GRM8: variants seen among roughly 807,000 people sequenced by gnomAD.
The protein encoded by GRM8 is metabotropic glutamate receptor 8.
In GRM8, 47 loss-of-function variants were observed where a neutral mutation model predicts 87.2. The observed-to-expected ratio is 0.54, with a 90% confidence interval of 0.43 to 0.69. The LOEUF is 0.69. Ranked by LOEUF, GRM8 falls within the 30% of genes least tolerant of loss-of-function variation. The pLI is 0.00. For synonymous variants in GRM8, 396 were observed against 404.5 expected, an observed-to-expected ratio of 0.98 and a Z score of 0.25; for missense variants, 1,019 against 1,139.2, an observed-to-expected ratio of 0.89 and a Z score of 1.52.
intron 3 of GRM8, among the ~76,000 whole-genome samples, chr7:127,022,402 C>T (rs1284030523): frequency 2.0e-5 from 3 of 151,912 alleles, no homozygotes; most frequent in African/African-American, 7.2e-5. Context: ...TTATAAAAGA[C>T]AAAATATTAT....
intron 6 of GRM8, among the ~76,000 whole-genome samples, chr7:126,808,752 T>C (rs1208035215): frequency 6.6e-6 from 1 of 152,206 alleles, no homozygotes; most frequent in Non-Finnish European, 1.5e-5. Flanking sequence ...AACTGTAGTA[T>C]GAAATGCAAA....
At chr7:126,801,547 ACT>A (rs1822698867) in intron 6 of GRM8, among the ~76,000 whole-genome samples, 6 of 150,068 alleles carry the variant, frequency 4.0e-5, no homozygotes, top group Admixed American at 1.3e-4. Context: ...AAATAGTATT[ACT>A]ATGTGGCTGG....
chr7:126,887,513 G>T (rs1563284072), intron 6 of GRM8, among the ~76,000 whole-genome samples: 4 of 151,926 alleles, frequency 2.6e-5, no homozygotes, highest in African/African-American at 9.7e-5. Flanking sequence ...CAATGAGTTT[G>T]CCCCTTTTTG....
chr7:127,184,033 C>A (rs1224849080), intron 2 of GRM8, among the ~76,000 whole-genome samples: 1 of 151,760 alleles, frequency 6.6e-6, no homozygotes, highest in Admixed American at 6.6e-5. Flanking sequence ...TAACAACCAT[C>A]AAAACAAAAG....
intron 6 of GRM8, among the ~76,000 whole-genome samples, chr7:126,877,410 A>C (rs1229163786): frequency 2.6e-5 from 4 of 152,230 alleles, no homozygotes; most frequent in Non-Finnish European, 5.9e-5. Flanking sequence ...ATTAAATAGA[A>C]TAAAAAATTC....
chr7:127,016,776 A>C (rs149164492), intron 3 of GRM8, among the ~76,000 whole-genome samples: 8 of 152,238 alleles, frequency 5.3e-5, no homozygotes, highest in African/African-American at 1.7e-4. Context: ...TACATTCACA[A>C]TATGCTTGTA....
chr7:126,813,446 G>A (rs1793483254), intron 6 of GRM8, among the ~76,000 whole-genome samples: 1 of 152,062 alleles, frequency 6.6e-6, no homozygotes. Flanking sequence ...ATCATCTCTG[G>A]CACCCCCAAT....
chr7:127,101,711 T>C (rs1283276454), intron 3 of GRM8, among the ~76,000 whole-genome samples: 1 of 152,202 alleles, frequency 6.6e-6, no homozygotes, highest in Non-Finnish European at 1.5e-5. Flanking sequence ...TACCCAGTCT[T>C]GGGTATTTCT....
intron 3 of GRM8, among the ~76,000 whole-genome samples, chr7:127,094,620 G>C (rs1245297660): frequency 6.6e-6 from 1 of 152,150 alleles, no homozygotes. Context: ...GCCTCAAGAG[G>C]ATCCAAGCCT....
At chr7:126,646,412 A>G (rs1563053584) in intron 7 of GRM8, among the ~76,000 whole-genome samples, 1 of 152,156 alleles carries the variant, frequency 6.6e-6, no homozygotes, top group Non-Finnish European at 1.5e-5. Context: ...AAGGTCTCAA[A>G]AAAGTTACCT....
At chr7:126,562,296 G>C (rs921977406) in intron 8 of GRM8, among the ~76,000 whole-genome samples, 1 of 152,050 alleles carries the variant, frequency 6.6e-6, no homozygotes, top group African/African-American at 2.4e-5. Context: ...TGCATCAAAG[G>C]CATCACCAAA....
In GRM8 at chr7:127,207,415, G is replaced by A. The variant is rs373404430; in HGVS notation, c.510+35280C>T. On this transcript the variant is annotated intron_variant, in intron 2 of 10. Coordinates refer to ENST00000339582, the MANE Select transcript of GRM8 (RefSeq NM_000845.3). ...ATCATAAATGCTCATTTACTTATTC[G>A]ACAAATGCTTACTGAATGTTGGCAA... 9.2e-5 allele frequency among the ~76,000 whole-genome samples: 14 copies of A among 152,126 alleles called. No individual in the cohort carries two copies. The South Asian group carries it at 2.3e-3, about 25-fold the overall frequency.
At position 127,151,603 on chromosome 7, in the gene GRM8, T is replaced by C. The variant is rs17864140; in HGVS notation, c.511-44891A>G. 6.3e-3 allele frequency among the ~76,000 whole-genome samples: 961 copies of C among 152,202 alleles called. 4 individuals are homozygous for C. The highest frequency in any genetic ancestry group is 0.011 in the Non-Finnish European group (734 of 67,984). ...ACGCTGCAACATCTGCCTTTCATTA[T>C]CATTATCGTCCTCACAGAGTTCTTG... On this transcript the variant is annotated intron_variant, in intron 2 of 10. Coordinates refer to ENST00000339582, the MANE Select transcript of GRM8 (RefSeq NM_000845.3).
At chr7:126,491,799 G>C (rs920615716) in intron 9 of GRM8, among the ~76,000 whole-genome samples, 2 of 152,052 alleles carry the variant, frequency 1.3e-5, no homozygotes, top group African/African-American at 4.8e-5. Context: ...TAATGAATCT[G>C]TGGATGTGGA....
intron 3 of GRM8, among the ~76,000 whole-genome samples, chr7:126,923,782 T>C (rs182321111): frequency 1.3e-5 from 2 of 152,248 alleles, no homozygotes; most frequent in Admixed American, 1.3e-4. Context: ...ATGAAATATA[T>C]CAGTGGCTGT....
At chr7:127,148,314 C>T (rs1409409097) in intron 2 of GRM8, among the ~76,000 whole-genome samples, 3 of 151,590 alleles carry the variant, frequency 2.0e-5, no homozygotes, top group African/African-American at 4.8e-5. Context: ...CACACCAGAG[C>T]ACCTAAATAC....
intron 3 of GRM8, among the ~76,000 whole-genome samples, chr7:127,024,425 A>G (rs1020968023): frequency 1.3e-5 from 2 of 152,034 alleles, no homozygotes; most frequent in African/African-American, 4.8e-5. Flanking sequence ...ATCATTAACA[A>G]TGACAACAAC....
At chr7:127,061,423 A>C (rs17865085) in intron 3 of GRM8, among the ~76,000 whole-genome samples, 1,531 of 152,340 alleles carry the variant, frequency 0.01, 28 homozygotes, top group African/African-American at 0.034. Flanking sequence ...AACCAAAAAA[A>C]TACATTAACA....
intron 7 of GRM8, among the ~76,000 whole-genome samples, chr7:126,644,265 C>A (rs1480558649): frequency 6.6e-6 from 1 of 152,148 alleles, no homozygotes; most frequent in Non-Finnish European, 1.5e-5. Context: ...ATGTCAACAG[C>A]GGCCTCATAC....
Sources: allele counts gnomAD v4.1 joint callset (sites outside exome capture counted in the v4.1 genomes callset), GRCh38; gene constraint gnomAD v4.1.1; transcripts MANE v1.5; gene names NCBI Gene and HGNC (gene_info 2026-07-23, HGNC 2026-07-21).